CLVS1: variants seen among roughly 807,000 people sequenced by gnomAD.
CLVS1 encodes the protein clavesin 1, also known as clavesin-1.
Under a neutral mutation model 33.1 loss-of-function variants are expected in CLVS1, and 10 were observed. That is an observed-to-expected ratio of 0.30 (90% confidence interval 0.19 to 0.51). The LOEUF (loss-of-function observed/expected upper bound fraction) is 0.51, where lower values mean the gene tolerates loss of function less well. CLVS1 is among the 20% of genes least tolerant of loss of function. CLVS1 has a pLI of 0.97. For missense variants in CLVS1, 343 were observed against 433.4 expected, an observed-to-expected ratio of 0.79 and a Z score of 1.85; for synonymous variants, 163 against 166.1, an observed-to-expected ratio of 0.98 and a Z score of 0.14.
At chr8:61,481,874 G>T (rs1447109858) in intron 5 of CLVS1, among the ~76,000 whole-genome samples, 1 of 152,250 alleles carries the variant, frequency 6.6e-6, no homozygotes, top group Non-Finnish European at 1.5e-5. Flanking sequence ...TGGAGTTGGA[G>T]ATCTGAGAGT....
At chr8:61,188,657 G>A (rs1807396715) in intron 2 of CLVS1, among the ~76,000 whole-genome samples, 1 of 151,966 alleles carries the variant, frequency 6.6e-6, no homozygotes, top group Admixed American at 6.6e-5. Flanking sequence ...TTAAACAATA[G>A]GCATAGCTAA....
At chr8:61,009,854 A>T in the CLVS1 span, among the ~76,000 whole-genome samples, 2 of 152,228 alleles carry the variant, frequency 1.3e-5, no homozygotes, top group African/African-American at 4.8e-5. Context: ...TATCTTGAGG[A>T]TTAACTTCCT....
intron 3 of CLVS1, among the ~76,000 whole-genome samples, chr8:61,445,741 T>C (rs1816738313): frequency 6.6e-6 from 1 of 152,202 alleles, no homozygotes; most frequent in Non-Finnish European, 1.5e-5. Flanking sequence ...GTAAAATTAG[T>C]GTTAATTCTT....
At chr8:61,195,551 A>C (rs1190950090) in intron 2 of CLVS1, among the ~76,000 whole-genome samples, 2 of 151,846 alleles carry the variant, frequency 1.3e-5, no homozygotes, top group East Asian at 3.9e-4. Context: ...TTTTTTTCTC[A>C]ATTATATTTT....
At chr8:61,098,109 G>T (rs889066429) in intron 1 of CLVS1, among the ~76,000 whole-genome samples, 2 of 152,146 alleles carry the variant, frequency 1.3e-5, no homozygotes, top group Admixed American at 6.5e-5. Flanking sequence ...GCAGTGAGCT[G>T]TGATCGCACC....
chr8:61,097,190 C>A (rs1417927831), intron 1 of CLVS1, among the ~76,000 whole-genome samples: 1 of 144,020 alleles, frequency 6.9e-6, no homozygotes, highest in Non-Finnish European at 1.5e-5. Context: ...GGAGATCCCA[C>A]CTCTATTAAA....
chr8:61,406,733 G>A (rs187444198), intron 3 of CLVS1, among the ~76,000 whole-genome samples: 3 of 151,820 alleles, frequency 2.0e-5, no homozygotes, highest in African/African-American at 2.4e-5. Context: ...TCAGCCTCCC[G>A]AGTAGCTGGG....
At chr8:61,189,169 G>T (rs887087160) in intron 2 of CLVS1, among the ~76,000 whole-genome samples, 6 of 152,174 alleles carry the variant, frequency 3.9e-5, no homozygotes, top group African/African-American at 1.4e-4. Context: ...ACTAACAGTG[G>T]ATCACTTGGC....
intron 3 of CLVS1, among the ~76,000 whole-genome samples, chr8:61,440,969 G>A (rs71525451): frequency 0.082 from 12,447 of 152,208 alleles, 536 homozygotes; most frequent in Non-Finnish European, 0.089. Context: ...AAGAGCATTT[G>A]GTGTGTAACT....
At chr8:61,478,807 G>T (rs1209264001) in intron 5 of CLVS1, among the ~76,000 whole-genome samples, 1 of 152,076 alleles carries the variant, frequency 6.6e-6, no homozygotes, top group African/African-American at 2.4e-5. Flanking sequence ...GGAGCATTTA[G>T]CCCATTTACA....
intron 2 of CLVS1, among the ~76,000 whole-genome samples, chr8:61,156,511 A>G (rs1467920249): frequency 1.3e-5 from 2 of 152,212 alleles, no homozygotes; most frequent in Non-Finnish European, 2.9e-5. Flanking sequence ...ACTTTCCTAT[A>G]CAAGAAAATT....
In CLVS1 at chr8:61,246,167, C is replaced by CTTT. The variant is rs1188366643; in HGVS notation, c.-151-53483_-151-53481dup. ...AAACCCTTTTTCTCTTCCTTCCCAA[C>CTTT]TTTTTTTTTTTTTTTTTTTTTTTTT... On this transcript the variant is annotated intron_variant, in intron 2 of 2. Coordinates refer to the CLVS1 transcript ENST00000522621. Among the ~76,000 whole-genome samples the CTTT allele has an allele frequency of 2.4e-3, 197 of 82,224 alleles. 28 individuals carry two copies. The highest frequency in any genetic ancestry group is 3.4e-3 in the African/African-American group (74 of 21,746). 53.9% of individuals were successfully genotyped at this position (82,224 alleles called of 152,430 possible). A position where few individuals can be genotyped will look rare whatever the true frequency, so the allele number is the denominator to read the frequency against.
chr8:61,032,574 T>G, the CLVS1 span, among the ~76,000 whole-genome samples: 1 of 152,080 alleles, frequency 6.6e-6, no homozygotes, highest in Non-Finnish European at 1.5e-5. Flanking sequence ...CTTGGGGGCT[T>G]CAGGGAATAT....
At chr8:61,310,253 A>G (rs1009467269) in intron 2 of CLVS1, among the ~76,000 whole-genome samples, 10 of 152,230 alleles carry the variant, frequency 6.6e-5, no homozygotes, top group African/African-American at 2.4e-4. Flanking sequence ...AGTTATTACA[A>G]CCATAAAAGC....
the CLVS1 span, among the ~76,000 whole-genome samples, chr8:61,045,545 C>G: frequency 6.6e-6 from 1 of 152,236 alleles, no homozygotes. Context: ...GAATCACCTT[C>G]TTGAGTACGG....
intron 1 of CLVS1, among the ~76,000 whole-genome samples, chr8:61,093,923 C>T (rs1805300395): frequency 6.6e-6 from 1 of 152,222 alleles, no homozygotes; most frequent in African/African-American, 2.4e-5. Context: ...TTTGTCTCTG[C>T]CAGCAGAGGT....
the CLVS1 span, among the ~76,000 whole-genome samples, chr8:61,051,503 G>A: frequency 6.6e-6 from 1 of 152,218 alleles, no homozygotes; most frequent in Non-Finnish European, 1.5e-5. Flanking sequence ...TCAGGCCAGG[G>A]GAGGATGCCC....
intron 1 of CLVS1, among the ~76,000 whole-genome samples, chr8:61,079,610 A>T (rs376515191): frequency 2.0e-5 from 3 of 152,342 alleles, no homozygotes. Flanking sequence ...TGTGACTTTC[A>T]GCGTGCCCTG....
chr8:61,397,154 C>A (rs1405224973), intron 3 of CLVS1, among the ~76,000 whole-genome samples: 1 of 152,116 alleles, frequency 6.6e-6, no homozygotes, highest in East Asian at 1.9e-4. Flanking sequence ...TTTCCACCAA[C>A]AATGTGTGAG....
Sources: allele counts gnomAD v4.1 joint callset (sites outside exome capture counted in the v4.1 genomes callset), GRCh38; gene constraint gnomAD v4.1.1; transcripts MANE v1.5; gene names NCBI Gene and HGNC (gene_info 2026-07-23, HGNC 2026-07-21).